The following DGKI variants were observed in gnomAD, a reference collection of about 807,000 sequenced individuals.
The protein encoded by DGKI is diacylglycerol kinase iota, also known as DAG kinase iota.
DGKI carries 55 observed loss-of-function variants against 147.5 expected under a neutral mutation model. The observed-to-expected ratio is 0.37, with a 90% CI of 0.30 to 0.47. DGKI has a LOEUF of 0.47. Ranked by LOEUF, DGKI falls within the 20% of genes least tolerant of loss-of-function variation. The probability of loss-of-function intolerance (pLI) is 1.00; values close to 1 mark genes in which losing one functional copy is unlikely to be tolerated. For synonymous variants in DGKI, 469 were observed against 477.1 expected, an observed-to-expected ratio of 0.98 and a Z score of 0.22; for missense variants, 1,007 against 1,323.8, an observed-to-expected ratio of 0.76 and a Z score of 3.71.
chr7:137,479,420 CAT>C (rs138719979), intron 23 of DGKI, among the ~76,000 whole-genome samples: 103 of 151,222 alleles, frequency 6.8e-4, no homozygotes, highest in African/African-American at 1.6e-3. Flanking sequence ...TGACATTCCT[CAT>C]ATATATATAT....
chr7:137,661,263 C>T (rs1315443888), intron 3 of DGKI, among the ~76,000 whole-genome samples: 3 of 152,118 alleles, frequency 2.0e-5, no homozygotes, highest in African/African-American at 7.2e-5. Context: ...GTCTCCCCAT[C>T]TCAGAGGAGC....
intron 21 of DGKI, among the ~76,000 whole-genome samples, chr7:137,508,846 G>T (rs1237451754): frequency 6.6e-6 from 1 of 152,046 alleles, no homozygotes; most frequent in African/African-American, 2.4e-5. Context: ...AAAGGGAAAA[G>T]AAAAAGAAAC....
At chr7:137,576,204 A>G (rs834434) in intron 17 of DGKI, among the ~76,000 whole-genome samples, 3,142 of 151,540 alleles carry the variant, frequency 0.021, 109 homozygotes, top group African/African-American at 0.072. Flanking sequence ...CGCCTGCCTA[A>G]TTTTTTGTAT....
At chr7:137,645,833 A>G (rs1354942764) in intron 5 of DGKI, among the ~76,000 whole-genome samples, 1 of 152,238 alleles carries the variant, frequency 6.6e-6, no homozygotes, top group Non-Finnish European at 1.5e-5. Context: ...CCAGAAACAA[A>G]TATTTATGGG....
At chr7:137,597,286 A>G (rs1174722332) in intron 12 of DGKI, among the ~76,000 whole-genome samples, 1 of 152,160 alleles carries the variant, frequency 6.6e-6, no homozygotes, top group Non-Finnish European at 1.5e-5. Context: ...GGTAATGGAT[A>G]CCTCCAAACC....
intron 21 of DGKI, among the ~76,000 whole-genome samples, chr7:137,518,202 G>C (rs761045751): frequency 1.2e-4 from 19 of 152,020 alleles, no homozygotes; most frequent in Non-Finnish European, 2.4e-4. Flanking sequence ...TCACACCAAG[G>C]GTTCCATATA....
chr7:137,766,756 G>A (rs58001851), intron 1 of DGKI, among the ~76,000 whole-genome samples: 2,455 of 152,222 alleles, frequency 0.016, 53 homozygotes, highest in African/African-American at 0.056. Flanking sequence ...GGTGAGGGTG[G>A]TGCATGGGTA....
At chr7:137,670,929 C>T (rs10429242) in intron 3 of DGKI, among the ~76,000 whole-genome samples, 1,865 of 152,282 alleles carry the variant, frequency 0.012, 26 homozygotes, top group South Asian at 0.044. Flanking sequence ...ATGTTACACA[C>T]CAGCTAGACC....
intron 2 of DGKI, among the ~76,000 whole-genome samples, chr7:137,687,658 A>G (rs1309566876): frequency 6.6e-6 from 1 of 152,178 alleles, no homozygotes; most frequent in Admixed American, 6.5e-5. Flanking sequence ...TGTGTTGGTC[A>G]CGGTTTGCTT....
chr7:137,579,234 C>T (rs1819094380), intron 15 of DGKI, among the ~76,000 whole-genome samples: 1 of 151,888 alleles, frequency 6.6e-6, no homozygotes, highest in Non-Finnish European at 1.5e-5. Flanking sequence ...CAGACAGTGC[C>T]TGTGTTGGAA....
At chr7:137,452,722 T>C (rs1461777586) in intron 27 of DGKI, 2 of 152,204 alleles carry the variant, frequency 1.3e-5, no homozygotes, top group African/African-American at 4.8e-5. Context: ...CAGCTCTGAA[T>C]GTTCTTTCTC....
intron 20 of DGKI, among the ~76,000 whole-genome samples, chr7:137,529,604 AT>A (rs1216485300): frequency 6.6e-6 from 1 of 152,144 alleles, no homozygotes; most frequent in Admixed American, 6.6e-5. Flanking sequence ...CAGTTTCATC[AT>A]TTTTGTTTTA....
At chr7:137,423,158 G>A (rs962925645) in intron 28 of DGKI, among the ~76,000 whole-genome samples, 2 of 152,152 alleles carry the variant, frequency 1.3e-5, no homozygotes, top group African/African-American at 4.8e-5. Flanking sequence ...TCCTGAGAGG[G>A]TAAGAGAAAT....
chr7:137,382,146 A>G lies in DGKI; in HGVS notation c.*9074T>C, dbSNP rs1186595278. ...TGAAATTACCTATAAATTTGAAACA[A>G]AAAATAGGGTAAACTGACAGGACTA... On this transcript the variant is annotated 3_prime_UTR_variant, in exon 33 of 33. Coordinates refer to ENST00000614521, the MANE Select transcript of DGKI (RefSeq NM_001321708.2). The G allele has an allele frequency of 6.6e-6, 1 of 152,132 alleles. No homozygotes were observed. The highest frequency in any genetic ancestry group is 6.6e-5 in the Admixed American group (1 of 15,262). The allele number at this position is 152,132 out of a possible 1,614,324, so 9.4% of individuals were successfully genotyped here.
intron 3 of DGKI, among the ~76,000 whole-genome samples, chr7:137,677,743 G>T (rs1247052301): frequency 2.0e-5 from 3 of 152,042 alleles, no homozygotes; most frequent in Admixed American, 2.0e-4. Flanking sequence ...AAAGAAAAAA[G>T]CATTCTATAA....
At chr7:137,654,839 G>T in intron 4 of DGKI, 51 bp from the exon 5 acceptor site, 1 of 1,141,624 alleles carries the variant, frequency 8.8e-7, no homozygotes, top group Non-Finnish European at 1.3e-6. Flanking sequence ...CATCAGACTA[G>T]ACTGAATTAC....
chr7:137,495,685 T>C (rs1289353056), intron 21 of DGKI, among the ~76,000 whole-genome samples: 2 of 152,076 alleles, frequency 1.3e-5, no homozygotes, highest in Non-Finnish European at 1.5e-5. Context: ...ATACATCATA[T>C]AAATAGAACT....
rs779988185 is a variant in DGKI, at chr7:137,469,611, T to C, written c.2382A>G (p.Glu794=). ...GSQRVHYQDH[E]TSFPRALSAQ... is the part of the protein sequence containing the mutation. Reference sequence around the variant, plus strand: ...CTGAGAGAGCCCTGGGGAAGGAGGTTTCATGGTCCTGGAAAGAGACACACA... The same window carrying C: ...CTGAGAGAGCCCTGGGGAAGGAGGTCTCATGGTCCTGGAAAGAGACACACA... The change falls in exon 24 of 33, where the codon GAA becomes GAG. Residue 794 remains glutamate (E), a synonymous_variant. Transcript: ENST00000614521. 1 of 1,613,848 alleles carries C rather than the reference T, an allele frequency of 6.2e-7. No homozygotes were observed. The highest frequency in any genetic ancestry group is 1.1e-5 in the South Asian group (1 of 91,028).
chr7:137,658,895 A>G (rs1254977242), intron 3 of DGKI, among the ~76,000 whole-genome samples: 1 of 152,232 alleles, frequency 6.6e-6, no homozygotes, highest in Non-Finnish European at 1.5e-5. Flanking sequence ...CTGAAGTGCA[A>G]CGTTCCGCAG....
Sources: allele counts gnomAD v4.1 joint callset (sites outside exome capture counted in the v4.1 genomes callset), GRCh38; gene constraint gnomAD v4.1.1; transcripts MANE v1.5; gene names NCBI Gene and HGNC (gene_info 2026-07-23, HGNC 2026-07-21).